The following ASB2 variants were observed in gnomAD, a reference collection of about 807,000 sequenced individuals.
The protein encoded by ASB2 is ankyrin repeat and SOCS box protein 2.
In ASB2, 58 loss-of-function variants were observed where a neutral mutation model predicts 62.4. The observed-to-expected ratio is 0.93, with a 90% CI of 0.75 to 1.16. ASB2 has a LOEUF of 1.16. Among genes scored for constraint, ASB2 ranks in the 50% most tolerant of loss-of-function variants. The pLI, the probability that ASB2 is intolerant of heterozygous loss-of-function variation, is 0.00. For missense variants in ASB2, 928 were observed against 887.9 expected (o/e 1.05, Z -0.57); for synonymous variants, 386 against 385.3 (o/e 1.00, Z -0.02).
chr14:93,937,843 C>T lies in ASB2; in HGVS notation c.1626G>A (p.Glu542=). Residue 542 remains glutamate (E), a synonymous_variant, in exon 9 of 10, where the codon GAG becomes GAA. Coordinates refer to ENST00000555019, the MANE Select transcript of ASB2 (RefSeq NM_001202429.2). ...GGCTCACCTCTGGGGCAGATACGAACTCACAGAACTGAAAGAGAACATGCC... is the reference window on the plus strand; with the variant it reads ...GGCTCACCTCTGGGGCAGATACGAATTCACAGAACTGAAAGAGAACATGCC... ...DKEPSVVQFC[E]FVSAPEVSRW... 1 of 1,597,022 alleles carries T rather than the reference C, an allele frequency of 6.3e-7. No individual in the cohort carries two copies. The highest frequency in any genetic ancestry group is 8.6e-7 in the Non-Finnish European group (1 of 1,165,942).
At chr14:93,975,310 T>C (rs545091160) in intron 1 of ASB2, among the ~76,000 whole-genome samples, 3 of 152,300 alleles carry the variant, frequency 2.0e-5, no homozygotes, top group South Asian at 2.1e-4. Context: ...GTCACCAGCC[T>C]CCTTGCCTCC....
At chr14:93,973,499 C>A (rs886175912) in intron 1 of ASB2, among the ~76,000 whole-genome samples, 2 of 152,182 alleles carry the variant, frequency 1.3e-5, no homozygotes, top group Non-Finnish European at 2.9e-5. Flanking sequence ...CAATGATGAG[C>A]ATCCATTCTG....
intron 7 of ASB2, among the ~76,000 whole-genome samples, chr14:93,942,830 GTAAT>G (rs1888578664): frequency 6.7e-6 from 1 of 148,190 alleles, no homozygotes; most frequent in Admixed American, 6.7e-5. Flanking sequence ...AAGCAGAGGG[GTAAT>G]TAATTGTAAT....
intron 6 of ASB2, 108 bp from the exon 7 acceptor site, chr14:93,947,628 G>A (rs531697999): frequency 5.8e-5 from 66 of 1,133,202 alleles, no homozygotes; most frequent in South Asian, 2.8e-4. Context: ...GGTAATGCAC[G>A]GGACCTTTAA....
At position 93,937,919 on chromosome 14, in the gene ASB2, G is replaced by A. The variant is rs1186372985; in HGVS notation, c.1618-68C>T. On this transcript the variant is annotated intron_variant, in intron 8 of 9. Transcript: ENST00000555019. ...CCTGCAAGAGCCTGCGGCCAGGGAC[G>A]GCAGCGGATGTGTCCAAGCACAGAC... 1.6e-5 allele frequency: 23 copies of A among 1,477,752 alleles called. No individual in the cohort carries two copies. In the East Asian group the frequency reaches 3.7e-4, roughly 24 times the overall value. 91.5% of individuals were successfully genotyped at this position (1,477,752 alleles called of 1,614,324 possible).
chr14:93,939,081 T>C, intron 8 of ASB2, 27 bp downstream of exon 8: 1 of 1,431,598 alleles, frequency 7.0e-7, no homozygotes, highest in Non-Finnish European at 9.1e-7. Flanking sequence ...AAAGGCGTGC[T>C]CCCCACCGCC....
intron 7 of ASB2, among the ~76,000 whole-genome samples, chr14:93,943,084 A>C (rs1337147719): frequency 6.6e-6 from 1 of 152,252 alleles, no homozygotes; most frequent in African/African-American, 2.4e-5. Context: ...TCATTTACTC[A>C]TAACAATCCG....
intron 1 of ASB2, among the ~76,000 whole-genome samples, chr14:93,972,796 C>G (rs1889797471): frequency 6.6e-6 from 1 of 152,222 alleles, no homozygotes; most frequent in African/African-American, 2.4e-5. Context: ...GGCCTTTGGC[C>G]ATGGGGGCAG....
At chr14:93,949,887 G>A (rs1341656037) in intron 6 of ASB2, among the ~76,000 whole-genome samples, 3 of 152,138 alleles carry the variant, frequency 2.0e-5, no homozygotes, top group South Asian at 2.1e-4. Flanking sequence ...CTGGCTGCAC[G>A]GAAGGGCCTG....
chr14:93,939,776 G>C (rs945266268), intron 7 of ASB2, 104 bp from the exon 8 acceptor site: 6 of 947,662 alleles, frequency 6.3e-6, no homozygotes, highest in Admixed American at 4.2e-5. Flanking sequence ...TCGGCTGGTC[G>C]CCCTGACCGC....
chr14:93,957,154 G>T (rs756777623), intron 2 of ASB2: 18 of 1,023,508 alleles, frequency 1.8e-5, no homozygotes, highest in Non-Finnish European at 2.4e-5. Context: ...CCCCTCCCCA[G>T]CCAACCACGA....
At chr14:93,954,917 A>G (rs1889121980) in intron 3 of ASB2, among the ~76,000 whole-genome samples, 1 of 152,126 alleles carries the variant, frequency 6.6e-6, no homozygotes, top group Non-Finnish European at 1.5e-5. Context: ...TCCTACTCCC[A>G]GTACATCCAG....
intron 7 of ASB2, among the ~76,000 whole-genome samples, chr14:93,945,345 C>T (rs1043119596): frequency 2.6e-5 from 4 of 152,198 alleles, no homozygotes; most frequent in African/African-American, 9.6e-5. Context: ...CCGTCTTGTC[C>T]ATGCCCACTG....
In ASB2 at chr14:93,939,521, C is replaced by T. The variant is rs1282729913; in HGVS notation, c.1204G>A (p.Glu402Lys). Residue 402 changes from glutamate to lysine, a missense_variant, in exon 8 of 10, where the codon GAG becomes AAG. By Grantham distance (56) the Glu-to-Lys change is moderately conservative. Coordinates refer to ENST00000555019, the MANE Select transcript of ASB2 (RefSeq NM_001202429.2). ...RFDVNTPLAP[E>K]RARLYEDRRS... ...CGGTCTTCGTAGAGGCGCGCGCGCTCGGGGGCCAGCGGCGTGTTCACGTCG... is the reference window on the plus strand; with the variant it reads ...CGGTCTTCGTAGAGGCGCGCGCGCTTGGGGGCCAGCGGCGTGTTCACGTCG... 8 of 1,605,198 alleles carry T rather than the reference C, an allele frequency of 5.0e-6. No homozygotes were observed. Among genetic ancestry groups the T allele is most frequent in the East Asian group, 2.3e-5 (1 of 44,426 alleles).
At chr14:93,969,148 G>C (rs1889680496) in intron 1 of ASB2, among the ~76,000 whole-genome samples, 1 of 152,202 alleles carries the variant, frequency 6.6e-6, no homozygotes, top group South Asian at 2.1e-4. Flanking sequence ...GTGTGTACAG[G>C]CTCAGCTGTG....
chr14:93,955,848 A>G (rs1433151667), intron 3 of ASB2, among the ~76,000 whole-genome samples: 1 of 152,128 alleles, frequency 6.6e-6, no homozygotes, highest in Non-Finnish European at 1.5e-5. Flanking sequence ...TGCCCTCTCC[A>G]GCCGTGTCCT....
At chr14:93,953,937 C>T (rs1380370695) in intron 4 of ASB2, among the ~76,000 whole-genome samples, 4 of 152,192 alleles carry the variant, frequency 2.6e-5, no homozygotes, top group Admixed American at 6.5e-5. Context: ...AGAGGAGGCA[C>T]GGCTGTCCCG....
At chr14:93,941,798 A>G (rs1264765877) in intron 7 of ASB2, 3 of 419,076 alleles carry the variant, frequency 7.2e-6, no homozygotes, top group Middle Eastern at 4.7e-4. Context: ...AGTGGCAGAA[A>G]TGTGGGAACT....
chr14:93,944,479 G>A (rs74493553), intron 7 of ASB2, among the ~76,000 whole-genome samples: 2,099 of 152,328 alleles, frequency 0.014, 31 homozygotes, highest in Middle Eastern at 0.048. Context: ...TGCCTGGGAC[G>A]GATGGCCAGG....
Sources: allele counts gnomAD v4.1 joint callset (sites outside exome capture counted in the v4.1 genomes callset), GRCh38; gene constraint gnomAD v4.1.1; transcripts MANE v1.5; gene names NCBI Gene and HGNC (gene_info 2026-07-23, HGNC 2026-07-21).